PUM1: variants seen among roughly 807,000 people sequenced by gnomAD.
PUM1 encodes the protein pumilio homolog 1.
Under a neutral mutation model 131.8 loss-of-function variants are expected in PUM1, and 13 were observed. The ratio of observed to expected loss-of-function variants is 0.10; its 90% CI spans 0.06 to 0.16. The LOEUF (loss-of-function observed/expected upper bound fraction) is 0.16, where lower values mean the gene tolerates loss of function less well. Among genes scored for constraint, PUM1 ranks in the 10% least tolerant of loss-of-function variants. The pLI is 1.00. For synonymous variants in PUM1, 509 were observed against 556.5 expected, an observed-to-expected ratio of 0.91 and a Z score of 1.20; for missense variants, 961 against 1,512.4, an observed-to-expected ratio of 0.64 and a Z score of 6.05.
intron 2 of PUM1, among the ~76,000 whole-genome samples, chr1:31,030,809 T>C (rs1044090135): frequency 6.6e-6 from 1 of 152,214 alleles, no homozygotes; most frequent in Non-Finnish European, 1.5e-5. Context: ...AAAGATACAG[T>C]TGCATTATTG....
chr1:30,977,345 C>A (rs1032010209), intron 9 of PUM1, among the ~76,000 whole-genome samples: 5 of 152,096 alleles, frequency 3.3e-5, no homozygotes, highest in Non-Finnish European at 5.9e-5. Context: ...GGAGTACAGC[C>A]GTATCTACCT....
chr1:31,057,741 A>C (rs1205600090), intron 2 of PUM1, among the ~76,000 whole-genome samples: 6 of 151,584 alleles, frequency 4.0e-5, no homozygotes, highest in Non-Finnish European at 7.4e-5. Context: ...AAAAAAAAAA[A>C]AAAAAACAAC....
chr1:30,989,607 T>G (rs996263505), intron 7 of PUM1, among the ~76,000 whole-genome samples: 2 of 130,984 alleles, frequency 1.5e-5, no homozygotes, highest in African/African-American at 5.6e-5. Flanking sequence ...AAAGAACCAC[T>G]TCTTCCACAA....
chr1:30,969,332 A>AAAAAAAAG (rs1557560979), intron 10 of PUM1, among the ~76,000 whole-genome samples: 1 of 135,162 alleles, frequency 7.4e-6, no homozygotes, highest in Non-Finnish European at 1.6e-5. Flanking sequence ...AAAAAAAAAA[A>AAAAAAAAG]AAAAGAAAAA....
chr1:31,041,558 AG>A (rs1349082210), intron 2 of PUM1, among the ~76,000 whole-genome samples: 1 of 152,140 alleles, frequency 6.6e-6, no homozygotes, highest in East Asian at 1.9e-4. Flanking sequence ...CCCATCCCTC[AG>A]GAAGTACTTG....
chr1:31,002,967 T>C (rs1030980047), intron 5 of PUM1, among the ~76,000 whole-genome samples: 1 of 152,216 alleles, frequency 6.6e-6, no homozygotes, highest in Admixed American at 6.5e-5. Context: ...AAACACTACA[T>C]AGAGATTTAT....
chr1:31,007,099 G>A lies in PUM1; in HGVS notation c.436C>T (p.Leu146Phe). Residue 146 changes from leucine to phenylalanine, a missense_variant, in exon 4 of 22, where the codon CTC becomes TTC. Physicochemically the swap from Leu to Phe is conservative, Grantham distance 22. This residue lies in a region of PUM1 where 654 missense variants were observed against 923.9 expected (regional missense o/e 0.71). Coordinates refer to ENST00000426105, the MANE Select transcript of PUM1 (RefSeq NM_001020658.2). Reference sequence around the variant, plus strand: ...TCCCAAAACTTTTTACCTGGCAAGAGCTGCTGCAAATTAAAAATAATAGAT... The same window carrying A: ...TCCCAAAACTTTTTACCTGGCAAGAACTGCTGCAAATTAAAAATAATAGAT... Reference protein sequence around the residue: ...ALEGRAMGEQLLPGKKFWETD... With the variant: ...ALEGRAMGEQFLPGKKFWETD... 1 of 1,609,008 alleles carries A rather than the reference G, an allele frequency of 6.2e-7. No individual in the cohort carries two copies.
intron 2 of PUM1, among the ~76,000 whole-genome samples, chr1:31,044,304 G>A (rs796329188): frequency 2.0e-5 from 3 of 152,272 alleles, no homozygotes; most frequent in African/African-American, 7.2e-5. Context: ...GGGAGGCTGA[G>A]GCAAGAGAAT....
At chr1:30,957,530 C>T in intron 14 of PUM1, among the ~76,000 whole-genome samples, 1 of 152,166 alleles carries the variant, frequency 6.6e-6, no homozygotes, top group Admixed American at 6.5e-5. Flanking sequence ...CATAAGGCTT[C>T]AAAGGGACAG....
At chr1:31,062,760 C>T (rs1346479982) in intron 1 of PUM1, among the ~76,000 whole-genome samples, 1 of 152,210 alleles carries the variant, frequency 6.6e-6, no homozygotes, top group Non-Finnish European at 1.5e-5. Context: ...CCAACCCCCA[C>T]TGTGATGCTT....
chr1:30,980,105 C>G lies in PUM1; in HGVS notation c.1311G>C (p.Gly437=), dbSNP rs780984664. The G allele has an allele frequency of 1.9e-6, 3 of 1,613,966 alleles. No individual in the cohort carries two copies. Among genetic ancestry groups the G allele is most frequent in the South Asian group, 2.2e-5 (2 of 91,068 alleles). ...CCAATCCAGCTGTGTAGGGGTCCGT[C>G]CCTGGGGGAGCAGCGCTGATGATGT... is the stretch of plus-strand genomic sequence containing the variant. ...NPYIISAAPP[G]TDPYTAGLAA... The change falls in exon 9 of 22, where the codon GGG becomes GGC. Residue 437 remains glycine, a synonymous_variant. Transcript: ENST00000426105.
chr1:30,999,244 C>A (rs951510627), intron 5 of PUM1, among the ~76,000 whole-genome samples: 1 of 152,154 alleles, frequency 6.6e-6, no homozygotes, highest in African/African-American at 2.4e-5. Context: ...AAGTGATCCT[C>A]CTGCCTTGGT....
chr1:30,953,754 C>T lies in PUM1; in HGVS notation c.2551G>A (p.Gly851Arg). 1 of 1,614,192 alleles carries T rather than the reference C, an allele frequency of 6.2e-7. No individual in the cohort carries two copies. Among genetic ancestry groups the T allele is most frequent in the Non-Finnish European group, 8.5e-7 (1 of 1,180,040 alleles). The change falls in exon 15 of 22, where the codon GGA (glycine) becomes AGA (arginine). Residue 851 changes from glycine to arginine, a missense_variant. By Grantham distance (125) the Gly-to-Arg change is moderately radical (BLOSUM62 -2). Around this residue, in one of 4 missense-constraint regions of PUM1, gnomAD observed 117 missense variants for 200.7 expected, o/e 0.58. Transcript: ENST00000426105. ...YPNLQLREIA[G>R]HIMEFSQDQH... is the part of the protein sequence containing the mutation. The stretch of plus-strand genomic sequence containing the variant: ...TCTTGGGAAAATTCCATTATATGTC[C>T]AGCAATCTCCCGCAGTTGTAAATTG...
At chr1:30,973,268 A>T (rs908924573) in intron 10 of PUM1, among the ~76,000 whole-genome samples, 2 of 151,466 alleles carry the variant, frequency 1.3e-5, no homozygotes, top group Admixed American at 1.3e-4. Context: ...AAAAAAAAAA[A>T]TTAAACATAC....
At chr1:30,948,541 A>AGG (rs1028375818) in intron 17 of PUM1, among the ~76,000 whole-genome samples, 3 of 152,108 alleles carry the variant, frequency 2.0e-5, no homozygotes, top group African/African-American at 7.2e-5. Context: ...AATTGAACCC[A>AGG]GGGGTTCAAG....
At chr1:30,952,081 T>C (rs1639957912) in intron 16 of PUM1, among the ~76,000 whole-genome samples, 153 bp downstream of exon 16, 1 of 152,216 alleles carries the variant, frequency 6.6e-6, no homozygotes, top group Middle Eastern at 3.2e-3. Flanking sequence ...CTGCTGCTAA[T>C]GAATTGGAAA....
At chr1:30,952,694 C>T (rs1045499006) in intron 15 of PUM1, among the ~76,000 whole-genome samples, 1 of 7,318 alleles carries the variant, frequency 1.4e-4, no homozygotes, top group Non-Finnish European at 2.8e-4. Context: ...GGGGGGGGGG[C>T]GGGAGGGGCA....
At chr1:31,020,726 CCT>C (rs749999559) in intron 3 of PUM1, among the ~76,000 whole-genome samples, 5 of 152,158 alleles carry the variant, frequency 3.3e-5, no homozygotes, top group Non-Finnish European at 7.3e-5. Context: ...GGATCTCAAC[CCT>C]GAGTTCCCCT....
chr1:30,974,370 T>C (rs1171497974), intron 10 of PUM1, among the ~76,000 whole-genome samples: 1 of 152,210 alleles, frequency 6.6e-6, no homozygotes, highest in African/African-American at 2.4e-5. Context: ...AACAAAATTT[T>C]ACTGTAACTT....
Sources: gnomAD v4.1 joint callset for allele counts (sites outside exome capture counted in the v4.1 genomes callset) on GRCh38, gnomAD v4.1.1 for gene constraint, gnomAD v4.1.1 regional missense constraint, MANE v1.5 for transcripts, NCBI Gene and HGNC (gene_info 2026-07-23, HGNC 2026-07-21) for gene names.